The following IL1R1 variants were observed in gnomAD, a reference collection of about 807,000 sequenced individuals.
IL1R1 encodes the protein interleukin 1 receptor type 1, also known as interleukin-1 receptor type 1.
In IL1R1, 22 loss-of-function variants were observed where a neutral mutation model predicts 50.2. The ratio of observed to expected loss-of-function variants is 0.44; its 90% CI spans 0.31 to 0.63. The LOEUF is 0.63. Among genes scored for constraint, IL1R1 ranks in the 20% least tolerant of loss-of-function variants. The pLI, the probability that IL1R1 is intolerant of heterozygous loss-of-function variation, is 0.07. For missense variants in IL1R1, 509 were observed against 676.2 expected, an observed-to-expected ratio of 0.75 and a Z score of 2.74; for synonymous variants, 251 against 236.7, an observed-to-expected ratio of 1.06 and a Z score of -0.55.
chr2:102,112,325 T>TGTGTGTGTGAGTGTGA (rs1432977655), intron 1 of IL1R1, among the ~76,000 whole-genome samples: 1 of 151,304 alleles, frequency 6.6e-6, no homozygotes. Flanking sequence ...TGTGTGTGTG[T>TGTGTGTGTGAGTGTGA]GTGTGTGTGT....
intron 1 of IL1R1, among the ~76,000 whole-genome samples, chr2:102,108,395 C>T (rs1249186052): frequency 6.6e-6 from 1 of 152,080 alleles, no homozygotes; most frequent in Non-Finnish European, 1.5e-5. Flanking sequence ...GAAAACCAGC[C>T]ATCCTCCTCC....
At chr2:102,175,880 T>C (rs1686086360) in intron 11 of IL1R1, 1 of 601,038 alleles carries the variant, frequency 1.7e-6, no homozygotes, top group Non-Finnish European at 2.9e-6. Context: ...AATGACTAGT[T>C]AAACCCAACA....
At chr2:102,101,088 A>T (rs1411401109), upstream of IL1R1, among the ~76,000 whole-genome samples, 1 of 152,188 alleles carries the variant, frequency 6.6e-6, no homozygotes, top group Admixed American at 6.5e-5. Context: ...TCCCTGTGTT[A>T]CTGTCCACAC....
At chr2:102,162,134 AT>A (rs1379196925) in intron 3 of IL1R1, among the ~76,000 whole-genome samples, 1 of 152,204 alleles carries the variant, frequency 6.6e-6, no homozygotes, top group African/African-American at 2.4e-5. Context: ...AATCGTGTAT[AT>A]TTACAGTGTA....
At chr2:102,136,671 C>T (rs368314629) in intron 1 of IL1R1, among the ~76,000 whole-genome samples, 21 of 152,076 alleles carry the variant, frequency 1.4e-4, no homozygotes, top group African/African-American at 3.6e-4. Flanking sequence ...CCACCGTGCC[C>T]GGCTGGATAA....
At chr2:102,073,165 G>A (rs1678810290) in intron 1 of IL1R1, among the ~76,000 whole-genome samples, 1 of 152,074 alleles carries the variant, frequency 6.6e-6, no homozygotes, top group African/African-American at 2.4e-5. Flanking sequence ...CAAAGCATGT[G>A]AGAAAAAAAG....
At chr2:102,092,394 A>G (rs546729202) in intron 1 of IL1R1, among the ~76,000 whole-genome samples, 4 of 152,218 alleles carry the variant, frequency 2.6e-5, no homozygotes, top group African/African-American at 9.6e-5. Context: ...AGCTTCTTCA[A>G]TTTATCCATG....
chr2:102,115,553 T>C (rs1681023378), intron 1 of IL1R1, among the ~76,000 whole-genome samples: 1 of 152,102 alleles, frequency 6.6e-6, no homozygotes, highest in Admixed American at 6.6e-5. Context: ...CAATGCAAAG[T>C]AGGGGCTGCA....
chr2:102,079,983 G>A (rs1679137420), intron 1 of IL1R1, among the ~76,000 whole-genome samples: 1 of 152,028 alleles, frequency 6.6e-6, no homozygotes. Flanking sequence ...ATTCAGTGGG[G>A]GAAAGAATAA....
At chr2:102,172,294 AC>A in intron 8 of IL1R1, 1 of 985,236 alleles carries the variant, frequency 1.0e-6, no homozygotes, top group South Asian at 4.7e-5. Flanking sequence ...CTGGTTTCCT[AC>A]TGCTCATCTA....
At position 102,174,677 on chromosome 2, in the gene IL1R1, T is replaced by C; in HGVS notation, c.1082T>C (p.Ile361Thr). Residue 361 changes from isoleucine to threonine, a missense_variant, in exon 10 of 12, where the codon ATT becomes ACT. Transcript: ENST00000410023. ...GTTTTCATCTATAAAATCTTCAAGA[T>C]TGACATTGTGCTTTGGTACAGGGAT... ...CSVFIYKIFK[I>T]DIVLWYRDSC... 2 of 1,612,710 alleles carry C rather than the reference T, an allele frequency of 1.2e-6. No homozygotes were observed.
intron 2 of IL1R1, among the ~76,000 whole-genome samples, chr2:102,155,608 C>T (rs1684109704): frequency 6.6e-6 from 1 of 152,108 alleles, no homozygotes; most frequent in Non-Finnish European, 1.5e-5. Flanking sequence ...AATTCCTTGC[C>T]CCAGGGTCCT....
In IL1R1 at chr2:102,098,709, TG is replaced by T. The variant is rs200685501; in HGVS notation, c.-84+28179del. 2.7e-3 allele frequency among the ~76,000 whole-genome samples: 407 copies of T among 152,252 alleles called. 4 individuals carry two copies. Among genetic ancestry groups the T allele is most frequent in the African/African-American group, 9.0e-3 (376 of 41,566 alleles). ...TGTACATAGGAAAAAAAAGAGTAGGTGGGAATGTTGCTTAATGCTAAAGGGG... is the reference window on the plus strand; with the variant it reads ...TGTACATAGGAAAAAAAAGAGTAGGTGGAATGTTGCTTAATGCTAAAGGGG... On this transcript the variant is annotated intron_variant, in intron 1 of 11. Coordinates refer to the IL1R1 transcript ENST00000409929.
chr2:102,172,456 G>A (rs1459774236), intron 8 of IL1R1: 1 of 982,766 alleles, frequency 1.0e-6, no homozygotes, highest in Non-Finnish European at 1.2e-6. Context: ...TCTTGGAAGT[G>A]GTAATTTTTT....
intron 1 of IL1R1, among the ~76,000 whole-genome samples, chr2:102,106,533 T>C (rs1459811412): frequency 2.6e-5 from 4 of 152,134 alleles, no homozygotes; most frequent in African/African-American, 9.7e-5. Context: ...ATAGCGAGGG[T>C]ATACTTCTAA....
chr2:102,085,980 G>A (rs1413281921), intron 1 of IL1R1, among the ~76,000 whole-genome samples: 1 of 151,994 alleles, frequency 6.6e-6, no homozygotes, highest in African/African-American at 2.4e-5. Flanking sequence ...TTATTTTTAG[G>A]TGGTTACTAT....
At chr2:102,166,424 G>GT (rs1685188563) in intron 6 of IL1R1, 143 bp downstream of exon 6, 12 of 537,380 alleles carry the variant, frequency 2.2e-5, no homozygotes, top group African/African-American at 3.8e-5. Flanking sequence ...CTTTAGTTTT[G>GT]TTTTTTTGTT....
At chr2:102,118,887 A>G (rs201094458) in intron 1 of IL1R1, among the ~76,000 whole-genome samples, 3 of 152,000 alleles carry the variant, frequency 2.0e-5, no homozygotes, top group East Asian at 3.9e-4. Flanking sequence ...GCGTGGTGGC[A>G]GGCACCTGTA....
chr2:102,176,797 G>C lies in IL1R1; in HGVS notation c.*38G>C, dbSNP rs200040641. The C allele has an allele frequency of 6.3e-7, 1 of 1,591,176 alleles. No individual in the cohort carries two copies. Among genetic ancestry groups the C allele is most frequent in the South Asian group, 1.1e-5 (1 of 88,788 alleles). ...GCCAAGAGTTCTTTAGGTGCCTCCT[G>C]TCTTATGGCGTTGCAGGCCAGGTTA... On this transcript the variant is annotated 3_prime_UTR_variant, in exon 12 of 12. Transcript: ENST00000410023.
Sources: gnomAD v4.1 joint callset for allele counts (sites outside exome capture counted in the v4.1 genomes callset) on GRCh38, gnomAD v4.1.1 for gene constraint, MANE v1.5 for transcripts, NCBI Gene and HGNC (gene_info 2026-07-23, HGNC 2026-07-21) for gene names.